Variants in KCNG3 observed in about 807,000 individuals in gnomAD.
KCNG3 encodes the protein voltage-gated potassium channel regulatory subunit KCNG3.
A neutral mutation model predicts 29.0 loss-of-function variants in KCNG3; 15 were observed. The ratio of observed to expected loss-of-function variants is 0.52; its 90% CI spans 0.35 to 0.80. The LOEUF is 0.80. Among genes scored for constraint, KCNG3 ranks in the 30% least tolerant of loss-of-function variants. The pLI, the probability that KCNG3 is intolerant of heterozygous loss-of-function variation, is 0.01. For synonymous variants in KCNG3, 322 were observed against 248.9 expected (o/e 1.29, Z -2.76); for missense variants, 512 against 605.7 (o/e 0.85, Z 1.62).
chr2:42,432,366 G>A, the KCNG3 span, among the ~76,000 whole-genome samples: 1 of 152,342 alleles, frequency 6.6e-6, no homozygotes, highest in East Asian at 1.9e-4. Context: ...CTCACTGTAA[G>A]TACTATGGAA....
chr2:42,402,838 CT>C, the KCNG3 span, among the ~76,000 whole-genome samples: 1 of 152,110 alleles, frequency 6.6e-6, no homozygotes, highest in South Asian at 2.1e-4. Context: ...CTAATTCTTC[CT>C]TTTCAGAATT....
At chr2:42,409,270 G>A in the KCNG3 span, among the ~76,000 whole-genome samples, 3 of 152,014 alleles carry the variant, frequency 2.0e-5, no homozygotes, top group Admixed American at 6.6e-5. Flanking sequence ...CCAGAAAAAC[G>A]ACACCCCAAA....
At chr2:42,454,738 C>T (rs1326478929) in intron 1 of KCNG3, among the ~76,000 whole-genome samples, 1 of 151,986 alleles carries the variant, frequency 6.6e-6, no homozygotes. Flanking sequence ...GAAAGGAAAT[C>T]CTGTTACGTG....
chr2:42,491,580 A>C (rs1006456456), intron 1 of KCNG3, among the ~76,000 whole-genome samples: 3 of 152,236 alleles, frequency 2.0e-5, no homozygotes, highest in Admixed American at 2.0e-4. Flanking sequence ...AGTAACTCTT[A>C]TCTGTAAATT....
chr2:42,451,118 C>T (rs2132532), intron 1 of KCNG3, among the ~76,000 whole-genome samples: 128,377 of 149,602 alleles, frequency 0.86, 55,045 homozygotes, highest in Middle Eastern at 0.95. Flanking sequence ...GGCAGGAGAA[C>T]TGCTTGAACC....
chr2:42,492,153 C>G (rs1233524932), intron 1 of KCNG3, among the ~76,000 whole-genome samples: 2 of 152,164 alleles, frequency 1.3e-5, no homozygotes, highest in Non-Finnish European at 2.9e-5. Flanking sequence ...TCTTTGTTCT[C>G]AAGGTAATGG....
chr2:42,462,371 A>G (rs1430097248), intron 1 of KCNG3, among the ~76,000 whole-genome samples: 2 of 152,230 alleles, frequency 1.3e-5, no homozygotes, highest in Admixed American at 1.3e-4. Context: ...GTGATGAAGG[A>G]CTGGGATGGG....
intron 1 of KCNG3, among the ~76,000 whole-genome samples, chr2:42,461,116 A>G (rs1248142157): frequency 1.4e-5 from 2 of 145,896 alleles, no homozygotes. Flanking sequence ...AGCCGAGATC[A>G]CGCCACTGCA....
At chr2:42,449,069 ATGT>A (rs1232314690) in intron 1 of KCNG3, among the ~76,000 whole-genome samples, 1 of 152,096 alleles carries the variant, frequency 6.6e-6, no homozygotes, top group African/African-American at 2.4e-5. Context: ...GGACTTGAGT[ATGT>A]TCAGATTTTG....
At chr2:42,416,946 A>G in the KCNG3 span, among the ~76,000 whole-genome samples, 10 of 151,194 alleles carry the variant, frequency 6.6e-5, no homozygotes, top group Non-Finnish European at 1.5e-4. Flanking sequence ...AAATATATTA[A>G]TTATATAAAA....
At chr2:42,422,771 G>A in the KCNG3 span, among the ~76,000 whole-genome samples, 2 of 152,138 alleles carry the variant, frequency 1.3e-5, no homozygotes, top group Non-Finnish European at 2.9e-5. Context: ...CCTGTAACCT[G>A]CATCTGCACC....
At chr2:42,488,768 TC>T (rs1673797159) in intron 1 of KCNG3, among the ~76,000 whole-genome samples, 1 of 152,086 alleles carries the variant, frequency 6.6e-6, no homozygotes, top group Admixed American at 6.6e-5. Flanking sequence ...CTGGCTGGTC[TC>T]GAACTCCTGA....
the KCNG3 span, among the ~76,000 whole-genome samples, chr2:42,434,496 A>AGG: frequency 2.8e-5 from 4 of 142,072 alleles, no homozygotes; most frequent in Non-Finnish European, 6.1e-5. Context: ...AGAGAGAGAG[A>AGG]GGGAAAGAGA....
chr2:42,392,608 G>C, the KCNG3 span, among the ~76,000 whole-genome samples: 10 of 152,142 alleles, frequency 6.6e-5, no homozygotes, highest in Admixed American at 2.6e-4. Flanking sequence ...TACAGCCAAA[G>C]AGATGGGAGC....
At chr2:42,428,238 T>C in the KCNG3 span, among the ~76,000 whole-genome samples, 1 of 151,208 alleles carries the variant, frequency 6.6e-6, no homozygotes, top group East Asian at 1.9e-4. Context: ...GGCAGGTGGA[T>C]CATTTGAGGT....
At chr2:42,460,229 C>T (rs552025242) in intron 1 of KCNG3, among the ~76,000 whole-genome samples, 3 of 151,612 alleles carry the variant, frequency 2.0e-5, no homozygotes, top group African/African-American at 4.8e-5. Flanking sequence ...TGATGGTGCA[C>T]GCCTGTAGCC....
At chr2:42,431,107 CAA>C in the KCNG3 span, among the ~76,000 whole-genome samples, 25 of 113,430 alleles carry the variant, frequency 2.2e-4, no homozygotes, top group Admixed American at 2.8e-4. Flanking sequence ...ACCCTGTCTC[CAA>C]AAAAAAAAAA....
At chr2:42,452,793 G>GTGTA (rs1357287318) in intron 1 of KCNG3, among the ~76,000 whole-genome samples, 1 of 150,804 alleles carries the variant, frequency 6.6e-6, no homozygotes, top group Non-Finnish European at 1.5e-5. Flanking sequence ...GTGTGTGTGT[G>GTGTA]TGTTTTGAGA....
chr2:42,469,594 T>C (rs904210816), intron 1 of KCNG3, among the ~76,000 whole-genome samples: 1 of 151,934 alleles, frequency 6.6e-6, no homozygotes, highest in Admixed American at 6.6e-5. Flanking sequence ...TAAATAATAA[T>C]AGGTGGACTA....
Sources: allele counts gnomAD v4.1 joint callset (sites outside exome capture counted in the v4.1 genomes callset), GRCh38; gene constraint gnomAD v4.1.1; transcripts MANE v1.5; gene names NCBI Gene and HGNC (gene_info 2026-07-23, HGNC 2026-07-21).